The following CORO2B variants were observed in gnomAD, a reference collection of about 807,000 sequenced individuals.
CORO2B encodes coronin 2B.
In CORO2B, 26 loss-of-function variants were observed where a neutral mutation model predicts 58.8. That is an observed-to-expected ratio of 0.44 (90% CI 0.32 to 0.61). The LOEUF (loss-of-function observed/expected upper bound fraction) is 0.61. Among genes scored for constraint, CORO2B ranks in the 20% least tolerant of loss-of-function variants. CORO2B has a pLI of 0.04. For missense variants in CORO2B, 460 were observed against 645.1 expected, an observed-to-expected ratio of 0.71 and a Z score of 3.11; for synonymous variants, 242 against 253.8, an observed-to-expected ratio of 0.95 and a Z score of 0.44.
rs370947270 is a variant in CORO2B, at chr15:68,586,925, T to C, written c.15+7648T>C. ...ATTTTTCCAAAAGGAAACTTTGCTC[T>C]GGCAGGAAATTTTCCACCTTATATT... On this transcript the variant is annotated intron_variant, in intron 1 of 11. Transcript: ENST00000261861. Among the ~76,000 whole-genome samples the C allele has an allele frequency of 4.6e-5, 7 of 152,308 alleles. No individual in the cohort carries two copies. In the East Asian group the frequency reaches 1.2e-3, roughly 25 times the overall value.
intron 2 of CORO2B, among the ~76,000 whole-genome samples, chr15:68,671,898 T>G (rs1432025025): frequency 6.6e-6 from 1 of 151,850 alleles, no homozygotes; most frequent in African/African-American, 2.4e-5. Context: ...TACTAGGAGG[T>G]GAGATTACAG....
In CORO2B at chr15:68,650,932, G is replaced by C. The variant is rs369549351; in HGVS notation, c.216+5572G>C. 5.9e-5 allele frequency among the ~76,000 whole-genome samples: 9 copies of C among 152,308 alleles called. No homozygotes were observed. The East Asian group carries it at 1.4e-3, about 23-fold the overall frequency. ...TTTGCCTGCTGCCCTCTGGTCAGAT[G>C]AATGTCTTCATCTGCCTTGAACATC... On this transcript the variant is annotated intron_variant, in intron 2 of 11. Coordinates refer to ENST00000261861, the MANE Select transcript of CORO2B (RefSeq NM_006091.5).
chr15:68,679,733 C>T (rs1050144992), intron 2 of CORO2B, among the ~76,000 whole-genome samples: 7 of 152,180 alleles, frequency 4.6e-5, no homozygotes, highest in Admixed American at 3.3e-4. Context: ...TCTCCCACTA[C>T]CCCAGCCCCT....
At position 68,585,825 on chromosome 15, in the gene CORO2B, G is replaced by A. The variant is rs73440295; in HGVS notation, c.15+6548G>A. ...TAAATGATTCGGGGAAGGGTGCTGG[G>A]GGAGGAGGGTGTCCTATACATGGTG... On this transcript the variant is annotated intron_variant, in intron 1 of 11. Transcript: ENST00000261861. Among the ~76,000 whole-genome samples, 289 of 152,318 alleles carry A rather than the reference G, an allele frequency of 1.9e-3. 1 individual carries two copies. Among genetic ancestry groups the A allele is most frequent in the African/African-American group, 6.7e-3 (278 of 41,550 alleles).
At chr15:68,693,103 C>A (rs1299428840) in intron 2 of CORO2B, among the ~76,000 whole-genome samples, 1 of 152,206 alleles carries the variant, frequency 6.6e-6, no homozygotes, top group African/African-American at 2.4e-5. Context: ...CAGTGAAATT[C>A]TCCTGGGTCC....
At chr15:68,714,263 TG>T (rs908492759) in intron 6 of CORO2B, among the ~76,000 whole-genome samples, 65 of 152,010 alleles carry the variant, frequency 4.3e-4, no homozygotes, top group African/African-American at 1.4e-3. Context: ...TTTTCCAGAG[TG>T]GGGGCTGAGC....
At chr15:68,601,371 G>A (rs938843931) in intron 1 of CORO2B, among the ~76,000 whole-genome samples, 1 of 152,238 alleles carries the variant, frequency 6.6e-6, no homozygotes, top group Non-Finnish European at 1.5e-5. Flanking sequence ...CATTCAGCCA[G>A]CATCCTCTGA....
chr15:68,549,973 T>TAAATAAATAAATAAAC, the CORO2B span, among the ~76,000 whole-genome samples: 1 of 150,090 alleles, frequency 6.7e-6, no homozygotes, highest in East Asian at 1.9e-4. Flanking sequence ...AATAAATAAA[T>TAAATAAATAAATAAAC]AAATAAATAA....
the CORO2B span, among the ~76,000 whole-genome samples, chr15:68,567,765 T>C: frequency 2.6e-5 from 4 of 152,260 alleles, no homozygotes; most frequent in Non-Finnish European, 5.9e-5. Context: ...CTCATGCCTG[T>C]AATCCCAGCA....
At chr15:68,638,321 G>A (rs1866685) in intron 1 of CORO2B, among the ~76,000 whole-genome samples, 29,551 of 152,110 alleles carry the variant, frequency 0.19, 5,245 homozygotes, top group African/African-American at 0.48. Context: ...GGTAGAGCTA[G>A]TGTTGAGCAA....
chr15:68,579,415 C>A, intron 1 of CORO2B, 138 bp downstream of exon 1: 1 of 890,944 alleles, frequency 1.1e-6, no homozygotes, highest in Non-Finnish European at 1.4e-6. Flanking sequence ...TCTCTTGCTG[C>A]CGGATCCGCT....
chr15:68,625,015 A>G (rs1299133933), intron 1 of CORO2B, among the ~76,000 whole-genome samples: 1 of 152,150 alleles, frequency 6.6e-6, no homozygotes, highest in Non-Finnish European at 1.5e-5. Context: ...CTAGTGGTCG[A>G]AGACCACTCC....
intron 2 of CORO2B, among the ~76,000 whole-genome samples, chr15:68,694,744 A>G (rs7359307): frequency 0.82 from 124,706 of 152,244 alleles, 54,913 homozygotes; most frequent in East Asian, 1. Flanking sequence ...GTGCGTGAAC[A>G]AGGCAGATCG....
At chr15:68,656,383 C>T (rs1384720436) in intron 2 of CORO2B, among the ~76,000 whole-genome samples, 1 of 152,006 alleles carries the variant, frequency 6.6e-6, no homozygotes, top group Non-Finnish European at 1.5e-5. Flanking sequence ...CAACCTGTGC[C>T]TGAGTTTCCA....
intron 5 of CORO2B, 151 bp from the exon 6 acceptor site, chr15:68,713,774 C>T (rs1296020347): frequency 1.6e-6 from 1 of 614,680 alleles, no homozygotes; most frequent in East Asian, 2.7e-5. Context: ...TTAGCTTAAC[C>T]ACATCTGCAA....
rs75581127 is a variant in CORO2B, at chr15:68,595,132, G to A, written c.15+15855G>A. Among the ~76,000 whole-genome samples the A allele has an allele frequency of 7.3e-3, 1,105 of 152,316 alleles. 20 individuals are homozygous for A. The highest frequency in any genetic ancestry group is 0.025 in the African/African-American group (1,049 of 41,560). ...GCAAAGTCCCAACTCTGCAGCATTC[G>A]AGGCCAGAGAACTGGCTGAGTGGCC... On this transcript the variant is annotated intron_variant, in intron 1 of 11. Transcript: ENST00000261861.
At chr15:68,687,515 C>G (rs1205936794) in intron 2 of CORO2B, among the ~76,000 whole-genome samples, 2 of 152,208 alleles carry the variant, frequency 1.3e-5, no homozygotes, top group East Asian at 3.8e-4. Flanking sequence ...GTGGACTCAC[C>G]ATGCCGCCAG....
At chr15:68,576,874 A>G (rs1410425912), upstream of CORO2B, among the ~76,000 whole-genome samples, 2 of 152,182 alleles carry the variant, frequency 1.3e-5, no homozygotes, top group Non-Finnish European at 2.9e-5. Flanking sequence ...AGGGGTACAC[A>G]GTGAGAGAAG....
At chr15:68,717,075 A>G (rs955823624) in intron 8 of CORO2B, among the ~76,000 whole-genome samples, 5 of 152,120 alleles carry the variant, frequency 3.3e-5, no homozygotes, top group African/African-American at 1.2e-4. Context: ...AGGCCGAGGC[A>G]GGTGGATCAC....
Sources: allele counts gnomAD v4.1 joint callset (sites outside exome capture counted in the v4.1 genomes callset), GRCh38; gene constraint gnomAD v4.1.1; transcripts MANE v1.5; gene names NCBI Gene and HGNC (gene_info 2026-07-23, HGNC 2026-07-21).